GABRR3: variants seen among roughly 807,000 people sequenced by gnomAD.
The protein encoded by GABRR3 is gamma-aminobutyric acid receptor subunit rho-3.
A neutral mutation model predicts 43.2 loss-of-function variants in GABRR3; 29 were observed. That is an observed-to-expected ratio of 0.67 (90% confidence interval 0.50 to 0.92). The LOEUF (loss-of-function observed/expected upper bound fraction) is 0.92, where lower values mean the gene tolerates loss of function less well. Ranked by LOEUF, GABRR3 falls within the 40% of genes least tolerant of loss-of-function variation. The pLI is 0.00. For missense variants in GABRR3, 576 were observed against 572.3 expected (o/e 1.01, Z -0.07); for synonymous variants, 206 against 195.9 (o/e 1.05, Z -0.43).
intron 3 of GABRR3, among the ~76,000 whole-genome samples, chr3:98,018,847 C>T (rs1444037424): frequency 6.6e-6 from 1 of 152,086 alleles, no homozygotes; most frequent in Non-Finnish European, 1.5e-5. Context: ...TGGTGGCTCA[C>T]TCCTGTTATC....
At chr3:98,015,550 C>T (rs1349322751) in intron 4 of GABRR3, among the ~76,000 whole-genome samples, 2 of 152,140 alleles carry the variant, frequency 1.3e-5, no homozygotes, top group African/African-American at 4.8e-5. Flanking sequence ...AACTAAAATT[C>T]AAACCAAATA....
intron 5 of GABRR3, among the ~76,000 whole-genome samples, chr3:98,010,469 A>C (rs1426808014): frequency 1.3e-5 from 2 of 152,196 alleles, no homozygotes; most frequent in Non-Finnish European, 2.9e-5. Flanking sequence ...TCCAGAGGTC[A>C]AGCTGATATC....
At chr3:98,029,604 C>T (rs534241430) in intron 2 of GABRR3, among the ~76,000 whole-genome samples, 11 of 152,084 alleles carry the variant, frequency 7.2e-5, no homozygotes, top group Non-Finnish European at 1.5e-4. Context: ...AGCCTGGAGG[C>T]CTACATATTT....
At chr3:97,997,064 G>A (rs1706571093) in intron 8 of GABRR3, among the ~76,000 whole-genome samples, 1 of 152,152 alleles carries the variant, frequency 6.6e-6, no homozygotes. Flanking sequence ...AGTCCTTAAG[G>A]AGCTCACATT....
intron 3 of GABRR3, among the ~76,000 whole-genome samples, chr3:98,018,939 G>A (rs1461406495): frequency 1.3e-5 from 2 of 151,788 alleles, no homozygotes; most frequent in African/African-American, 2.4e-5. Context: ...GTGAAACCCC[G>A]TCTCTACTAA....
chr3:98,008,372 T>C (rs1240171004), intron 6 of GABRR3, among the ~76,000 whole-genome samples: 1 of 152,192 alleles, frequency 6.6e-6, no homozygotes, highest in Non-Finnish European at 1.5e-5. Context: ...TCTAATGGAG[T>C]TAGGGCGGAG....
chr3:98,024,362 G>A (rs1359903750), intron 3 of GABRR3, among the ~76,000 whole-genome samples: 4 of 95,216 alleles, frequency 4.2e-5, no homozygotes, highest in Non-Finnish European at 5.5e-5. Context: ...GTGAGACTCC[G>A]TCTCAAAAAA....
intron 5 of GABRR3, among the ~76,000 whole-genome samples, chr3:98,011,906 G>C (rs1019469746): frequency 6.6e-6 from 1 of 152,214 alleles, no homozygotes; most frequent in Non-Finnish European, 1.5e-5. Flanking sequence ...AAGAAAAAGA[G>C]AGCAAATTGG....
chr3:98,019,268 T>A (rs1706908372), intron 3 of GABRR3, among the ~76,000 whole-genome samples: 1 of 152,186 alleles, frequency 6.6e-6, no homozygotes, highest in South Asian at 2.1e-4. Context: ...GGGACAGGCG[T>A]GCCTATAATT....
At chr3:97,995,230 G>A (rs1706520535) in intron 8 of GABRR3, among the ~76,000 whole-genome samples, 1 of 152,008 alleles carries the variant, frequency 6.6e-6, no homozygotes. Context: ...GCCCCCCTTG[G>A]CCTCCCAAAA....
chr3:97,996,622 C>T (rs1041289090), intron 8 of GABRR3, among the ~76,000 whole-genome samples: 7 of 151,782 alleles, frequency 4.6e-5, no homozygotes, highest in African/African-American at 1.5e-4. Flanking sequence ...CAAGCAAGAA[C>T]GATGGAGGCA....
chr3:98,020,870 C>CTTTTTT (rs59070712), intron 3 of GABRR3, among the ~76,000 whole-genome samples: 62 of 117,416 alleles, frequency 5.3e-4, no homozygotes, highest in Middle Eastern at 4.3e-3. Context: ...TTTTCTTTTT[C>CTTTTTT]TTTTTTTTTT....
intron 8 of GABRR3, chr3:97,999,740 T>C (rs1193752120): frequency 6.6e-6 from 1 of 152,046 alleles, no homozygotes; most frequent in Non-Finnish European, 1.5e-5. Context: ...CATGATGAAA[T>C]TAATTAATTC....
Position 98,023,134 on chromosome 3 carries a change from G to A in GABRR3, c.238+2433C>T, listed in dbSNP as rs531675822. On this transcript the variant is annotated intron_variant, in intron 3 of 9. Coordinates refer to ENST00000621172, the Ensembl canonical transcript of GABRR3. ...GCATCTGCATTTCTAACTCCCAGGT[G>A]ATTCTGCGGCTGGTCCATGGACCAC... Among the ~76,000 whole-genome samples the A allele has an allele frequency of 6.6e-5, 10 of 152,238 alleles. No individual in the cohort carries two copies. In the South Asian group the frequency reaches 1.2e-3, roughly 19 times the overall value.
At chr3:97,998,038 A>G (rs1706585964) in intron 8 of GABRR3, 1 of 152,158 alleles carries the variant, frequency 6.6e-6, no homozygotes, top group Non-Finnish European at 1.5e-5. Flanking sequence ...AATACATAGC[A>G]TAGCCAATTA....
intron 4 of GABRR3, among the ~76,000 whole-genome samples, chr3:98,017,069 T>C (rs546102680): frequency 6.6e-6 from 1 of 152,294 alleles, no homozygotes; most frequent in South Asian, 2.1e-4. Context: ...TGAATAATAC[T>C]CTAGGAAAAT....
chr3:98,020,870 CTTTT>C (rs59070712), intron 3 of GABRR3, among the ~76,000 whole-genome samples: 10 of 117,434 alleles, frequency 8.5e-5, no homozygotes, highest in Admixed American at 1.8e-4. Context: ...TTTTCTTTTT[CTTTT>C]TTTTTTTTTT....
At chr3:98,016,158 C>A (rs1046936193) in intron 4 of GABRR3, among the ~76,000 whole-genome samples, 2 of 152,114 alleles carry the variant, frequency 1.3e-5, no homozygotes, top group African/African-American at 4.8e-5. Flanking sequence ...CCCACAAGGT[C>A]CCTCCCTCAA....
At chr3:97,994,807 T>C (rs957293678) in intron 8 of GABRR3, among the ~76,000 whole-genome samples, 4 of 152,246 alleles carry the variant, frequency 2.6e-5, no homozygotes, top group Admixed American at 2.6e-4. Flanking sequence ...AGAGTGCAAA[T>C]TCTGTTCAGA....
Sources: allele counts gnomAD v4.1 joint callset (sites outside exome capture counted in the v4.1 genomes callset), GRCh38; gene constraint gnomAD v4.1.1; transcripts MANE v1.5; gene names NCBI Gene and HGNC (gene_info 2026-07-23, HGNC 2026-07-21).